FRAS1: variants seen among roughly 807,000 people sequenced by gnomAD.
FRAS1 encodes the protein Fraser extracellular matrix complex subunit 1.
Under a neutral mutation model 435.2 loss-of-function variants are expected in FRAS1, and 290 were observed. The observed-to-expected ratio is 0.67, with a 90% CI of 0.61 to 0.73. FRAS1 has a LOEUF of 0.73. Among genes scored for constraint, FRAS1 ranks in the 30% least tolerant of loss-of-function variants. The probability of loss-of-function intolerance (pLI) is 0.00; values close to 1 mark genes in which losing one functional copy is unlikely to be tolerated. For synonymous variants in FRAS1, 1,800 were observed against 1,851.0 expected, an observed-to-expected ratio of 0.97 and a Z score of 0.71; for missense variants, 4,860 against 5,001.5, an observed-to-expected ratio of 0.97 and a Z score of 0.85.
intron 1 of FRAS1, among the ~76,000 whole-genome samples, chr4:78,062,844 C>A: frequency 6.6e-6 from 1 of 152,154 alleles, no homozygotes; most frequent in Non-Finnish European, 1.5e-5. Flanking sequence ...CTTCACCCTG[C>A]AAAACTTTAT....
At chr4:78,490,828 A>G (rs1031910056) in intron 59 of FRAS1, among the ~76,000 whole-genome samples, 1 of 151,640 alleles carries the variant, frequency 6.6e-6, no homozygotes, top group African/African-American at 2.4e-5. Context: ...GGAGATAGAG[A>G]CAGGAAAAAT....
intron 2 of FRAS1, among the ~76,000 whole-genome samples, chr4:78,084,833 T>C (rs1741067160): frequency 6.6e-6 from 1 of 152,076 alleles, no homozygotes; most frequent in Non-Finnish European, 1.5e-5. Flanking sequence ...TCTTGGCTGT[T>C]ACAGTGAACA....
intron 2 of FRAS1, among the ~76,000 whole-genome samples, chr4:78,116,368 T>C (rs147253513): frequency 0.049 from 7,392 of 152,200 alleles, 251 homozygotes; most frequent in Admixed American, 0.082. Flanking sequence ...GAGCTGAGTT[T>C]AATTCCTGGA....
chr4:78,095,547 G>A (rs898988761), intron 2 of FRAS1, among the ~76,000 whole-genome samples: 1 of 152,198 alleles, frequency 6.6e-6, no homozygotes, highest in African/African-American at 2.4e-5. Context: ...ACTTACCCGA[G>A]ACTGGGAAGA....
chr4:78,404,644 T>A (rs1733032342), intron 30 of FRAS1, among the ~76,000 whole-genome samples: 1 of 152,230 alleles, frequency 6.6e-6, no homozygotes, highest in Non-Finnish European at 1.5e-5. Flanking sequence ...CCTTCCTCTG[T>A]CATCCTTCAC....
chr4:78,537,089 C>T lies in FRAS1; in HGVS notation c.11187C>T (p.Gly3729=), dbSNP rs1165786966. The T allele has an allele frequency of 3.1e-6, 5 of 1,613,964 alleles. No homozygotes were observed. In the South Asian group the frequency reaches 5.5e-5, roughly 18 times the overall value. ...LQLEKVYLCT[G]KDGYVPFFDP... The stretch of plus-strand genomic sequence containing the variant: ...TGGAGAAAGTCTATCTTTGTACGGG[C>T]AAGGATGGTTATGTGCCTTTCTTTG... The change falls in exon 72 of 74, where the codon GGC becomes GGT. Residue 3729 remains glycine, a synonymous_variant. Transcript: ENST00000512123.
chr4:78,486,818 TTCTC>T (rs1395371876), intron 58 of FRAS1, among the ~76,000 whole-genome samples: 27 of 137,136 alleles, frequency 2.0e-4, no homozygotes, highest in African/African-American at 5.0e-4. Flanking sequence ...CCTTTTCTCT[TTCTC>T]TCTCTCTATT....
At position 78,432,553 on chromosome 4, in the gene FRAS1, TGTTGCCA is replaced by T. The variant is rs1734259370; in HGVS notation, c.5169_5175del (p.Ala1724LysfsTer5). 7 of 1,610,812 alleles carry T rather than the reference TGTTGCCA, an allele frequency of 4.3e-6. No individual in the cohort carries two copies. Among genetic ancestry groups the T allele is most frequent in the Non-Finnish European group, 5.9e-6 (7 of 1,178,342 alleles). ...CTGCTGGCTCCTCTCTGAGCATTAC[TGTTGCCA>T]GTAAAAGCACAGCCATAATCACTAG... On this transcript the variant is annotated frameshift_variant, in exon 38 of 74. Transcript: ENST00000512123. LOFTEE classifies it high-confidence loss of function.
chr4:78,088,502 C>A (rs11098037), intron 2 of FRAS1, among the ~76,000 whole-genome samples: 1 of 151,644 alleles, frequency 6.6e-6, no homozygotes, highest in Non-Finnish European at 1.5e-5. Flanking sequence ...ACCTACAGAA[C>A]GGGAGAAAAT....
Position 78,477,694 on chromosome 4 carries a change from A to G in FRAS1, c.7852-121A>G, listed in dbSNP as rs990041652. The stretch of plus-strand genomic sequence containing the variant: ...GCAGGGAACCAGGGCTGGGAGAACC[A>G]GCTATTTCAGTCAGTGCTCTGCCCA... On this transcript the variant is annotated intron_variant, in intron 54 of 73. Coordinates refer to ENST00000512123, the MANE Select transcript of FRAS1 (RefSeq NM_025074.7). The G allele has an allele frequency of 2.4e-6, 3 of 1,251,148 alleles. No individual in the cohort carries two copies. In the Admixed American group the frequency reaches 8.2e-5, roughly 34 times the overall value. 77.5% of individuals were successfully genotyped at this position (1,251,148 alleles called of 1,614,324 possible).
At chr4:78,091,034 G>T (rs1741488377) in intron 2 of FRAS1, among the ~76,000 whole-genome samples, 1 of 152,168 alleles carries the variant, frequency 6.6e-6, no homozygotes. Context: ...AATTTTAGCA[G>T]TTAAAGATTA....
intron 38 of FRAS1, among the ~76,000 whole-genome samples, chr4:78,436,015 A>G (rs1734412846): frequency 6.6e-6 from 1 of 152,202 alleles, no homozygotes; most frequent in South Asian, 2.1e-4. Context: ...TCTAACTATA[A>G]AAGATTGGTA....
intron 58 of FRAS1, among the ~76,000 whole-genome samples, chr4:78,484,546 A>G (rs1458118637): frequency 6.6e-6 from 1 of 152,198 alleles, no homozygotes; most frequent in Non-Finnish European, 1.5e-5. Context: ...GCCTAACCCA[A>G]GGTAACAAAG....
At chr4:78,139,932 C>A (rs1437486618) in intron 2 of FRAS1, among the ~76,000 whole-genome samples, 2 of 152,076 alleles carry the variant, frequency 1.3e-5, no homozygotes, top group African/African-American at 4.8e-5. Flanking sequence ...CCCTTTAATT[C>A]ATTTATTTGG....
chr4:78,356,230 C>T (rs1326172917), intron 20 of FRAS1, among the ~76,000 whole-genome samples: 1 of 152,108 alleles, frequency 6.6e-6, no homozygotes, highest in African/African-American at 2.4e-5. Context: ...CGAGTAGCAC[C>T]CTTTTTCTCC....
At chr4:78,109,549 A>G (rs1475686319) in intron 2 of FRAS1, among the ~76,000 whole-genome samples, 2 of 138,034 alleles carry the variant, frequency 1.4e-5, no homozygotes, top group South Asian at 2.5e-4. Flanking sequence ...AAATTCAACA[A>G]CCCTTCATGC....
chr4:78,466,217 GT>G lies in FRAS1; in HGVS notation c.7040del (p.Val2347AlafsTer31). 1 of 1,613,874 alleles carries G rather than the reference GT, an allele frequency of 6.2e-7. No individual in the cohort carries two copies. The highest frequency in any genetic ancestry group is 8.5e-7 in the Non-Finnish European group (1 of 1,179,812). On this transcript the variant is annotated frameshift_variant, in exon 50 of 74. Coordinates refer to ENST00000512123, the MANE Select transcript of FRAS1 (RefSeq NM_025074.7). LOFTEE classifies it high-confidence loss of function. ...AVDADTEAES[V>X]TFTIVQPPRH... ...TTTGCCTTCCGGACAGGCCGAGTCT[GT>G]CACATTCACCATCGTGCAGCCTCCA...
intron 2 of FRAS1, among the ~76,000 whole-genome samples, chr4:78,128,545 T>C (rs1319321588): frequency 2.6e-5 from 4 of 152,240 alleles, no homozygotes; most frequent in Non-Finnish European, 5.9e-5. Flanking sequence ...GCTGCATAAA[T>C]GTCTTCTTTT....
chr4:78,143,370 A>G (rs1720270257), intron 2 of FRAS1, among the ~76,000 whole-genome samples: 1 of 152,196 alleles, frequency 6.6e-6, no homozygotes, highest in African/African-American at 2.4e-5. Context: ...GGAGAAATAG[A>G]CAAACACAAT....
Sources: gnomAD v4.1 joint callset for allele counts (sites outside exome capture counted in the v4.1 genomes callset) on GRCh38, gnomAD v4.1.1 for gene constraint, MANE v1.5 for transcripts, NCBI Gene and HGNC (gene_info 2026-07-23, HGNC 2026-07-21) for gene names.